OR14A16: variants seen among roughly 807,000 people sequenced by gnomAD.
The protein encoded by OR14A16 is olfactory receptor 14A16.
For synonymous variants in OR14A16, 135 were observed against 137.6 expected (o/e 0.98, Z 0.13); for missense variants, 341 against 366.5 (o/e 0.93, Z 0.57).
In OR14A16 at chr1:247,814,774, T is replaced by A; in HGVS notation, c.*26A>T. ...TGTGTACATTATAAATGGTATCTAT[T>A]ATTGAAAGAAGAAAAGCAACAGCTT... On this transcript the variant is annotated 3_prime_UTR_variant, in exon 3 of 3. Transcript: ENST00000641093. The A allele has an allele frequency of 7.6e-7, 1 of 1,317,354 alleles. No homozygotes were observed. The highest frequency in any genetic ancestry group is 1.0e-6 in the Non-Finnish European group (1 of 957,056). 81.6% of individuals were successfully genotyped at this position (1,317,354 alleles called of 1,614,324 possible). A position where few individuals can be genotyped will look rare whatever the true frequency, so the allele number is the denominator to read the frequency against.
At chr1:247,816,625 G>A (rs1474937910) in intron 2 of OR14A16, among the ~76,000 whole-genome samples, 1 of 152,108 alleles carries the variant, frequency 6.6e-6, no homozygotes, top group African/African-American at 2.4e-5. Context: ...CTACTTGGGA[G>A]GCTGAGGCAG....
chr1:247,822,222 G>A (rs1367296986), intron 1 of OR14A16, among the ~76,000 whole-genome samples: 10 of 149,934 alleles, frequency 6.7e-5, no homozygotes, highest in Admixed American at 3.4e-4. Flanking sequence ...CTGTGAGGGT[G>A]TTTCCAGAGG....
rs1192263155 is a variant in OR14A16, at chr1:247,815,058, CT to C, written c.671del (p.Lys224ArgfsTer34). 2 of 1,613,760 alleles carry C rather than the reference CT, an allele frequency of 1.2e-6. No homozygotes were observed. The highest frequency in any genetic ancestry group is 1.7e-6 in the Non-Finnish European group (2 of 1,179,826). On this transcript the variant is annotated frameshift_variant, in exon 3 of 3. Coordinates refer to ENST00000641093, the MANE Select transcript of OR14A16 (RefSeq NM_001001966.2). LOFTEE classifies it low-confidence loss of function (END_TRUNC). ...ITYVHVFSTV[K>X]KIPSTEGQSK... is the part of the protein sequence containing the mutation. ...ACTGGCCTTCTGTGGAAGGGATCTT[CT>C]TGACTGTAGAGAAGACGTGGACATA...
intron 2 of OR14A16, among the ~76,000 whole-genome samples, chr1:247,817,422 T>C (rs538158808): frequency 6.6e-6 from 1 of 152,362 alleles, no homozygotes; most frequent in South Asian, 2.1e-4. Flanking sequence ...AAAATCATTT[T>C]AATGATGTTC....
At chr1:247,819,420 G>A (rs1043262694) in intron 1 of OR14A16, among the ~76,000 whole-genome samples, 1 of 152,010 alleles carries the variant, frequency 6.6e-6, no homozygotes, top group Non-Finnish European at 1.5e-5. Context: ...ACTAGGAGAT[G>A]TGTTACAGAA....
intron 1 of OR14A16, among the ~76,000 whole-genome samples, chr1:247,822,514 G>C (rs1482028521): frequency 1.3e-5 from 2 of 151,450 alleles, no homozygotes; most frequent in African/African-American, 4.9e-5. Flanking sequence ...TGGACTTAGG[G>C]CTGCACCATC....
chr1:247,819,077 C>G lies in OR14A16; in HGVS notation c.-30G>C, dbSNP rs975809626. On this transcript the variant is annotated 5_prime_UTR_variant, in exon 2 of 3. Coordinates refer to ENST00000641093, the MANE Select transcript of OR14A16 (RefSeq NM_001001966.2). ...AAATGACTTACTCTATACCTCCAAT[C>G]TGGCGCACGAAGATTCCAGATGTCT... The G allele has an allele frequency of 6.6e-5, 10 of 151,706 alleles. No individual in the cohort carries two copies. Among genetic ancestry groups the G allele is most frequent in the African/African-American group, 2.4e-4 (10 of 41,140 alleles). 9.4% of individuals were successfully genotyped at this position (151,706 alleles called of 1,614,324 possible).
Position 247,821,577 on chromosome 1 carries a change from G to T in OR14A16, c.-131+2376C>A, listed in dbSNP as rs367664806. Reference sequence around the variant, plus strand: ...ATCTTATGTAAGTATAGCTACCTCTGCTCTGTTTGATACCCATTTGGATGG... The same window carrying T: ...ATCTTATGTAAGTATAGCTACCTCTTCTCTGTTTGATACCCATTTGGATGG... On this transcript the variant is annotated intron_variant, in intron 1 of 2. Transcript: ENST00000641093. Among the ~76,000 whole-genome samples, 10 of 111,748 alleles carry T rather than the reference G, an allele frequency of 8.9e-5. 1 individual carries two copies. The highest frequency in any genetic ancestry group is 2.2e-4 in the African/African-American group (8 of 35,690). The allele number at this position is 111,748 out of a possible 152,430, so 73.3% of individuals were successfully genotyped here. A position where few individuals can be genotyped will look rare whatever the true frequency, so the allele number is the denominator to read the frequency against.
At chr1:247,821,619 T>G (rs1662742231) in intron 1 of OR14A16, among the ~76,000 whole-genome samples, 1 of 147,088 alleles carries the variant, frequency 6.8e-6, no homozygotes. Flanking sequence ...CTGTCATCCT[T>G]ATACTTTCAA....
Position 247,815,490 on chromosome 1 carries a change from G to T in OR14A16, c.240C>A (p.Ile80=). 1 of 1,613,994 alleles carries T rather than the reference G, an allele frequency of 6.2e-7. No individual in the cohort carries two copies. The highest frequency in any genetic ancestry group is 1.3e-5 in the African/African-American group (1 of 75,028). ...AGTTGTTGTGTATCAAAGAATTGGCGATAGATTTGGGAGCCGTGACTGAAA... is the reference window on the plus strand; with the variant it reads ...AGTTGTTGTGTATCAAAGAATTGGCTATAGATTTGGGAGCCGTGACTGAAA... The part of the protein sequence containing the change: ...CLISVTAPKS[I]ANSLIHNNSI... The change falls in exon 3 of 3, where the codon ATC becomes ATA. Residue 80 remains isoleucine, a synonymous_variant. Transcript: ENST00000641093.
intron 2 of OR14A16, among the ~76,000 whole-genome samples, chr1:247,817,676 A>G (rs987863814): frequency 6.7e-6 from 1 of 149,540 alleles, no homozygotes; most frequent in African/African-American, 2.4e-5. Flanking sequence ...TGGAAAGTAT[A>G]GCATGCCTTT....
At chr1:247,822,767 G>C (rs890435380) in intron 1 of OR14A16, among the ~76,000 whole-genome samples, 2 of 152,100 alleles carry the variant, frequency 1.3e-5, no homozygotes, top group African/African-American at 4.8e-5. Flanking sequence ...ATCTGACTAG[G>C]CTCTCAGTTC....
Position 247,814,906 on chromosome 1 carries a change from T to C in OR14A16, c.824A>G (p.Tyr275Cys), listed in dbSNP as rs1403027937. The C allele has an allele frequency of 6.2e-7, 1 of 1,613,866 alleles. No individual in the cohort carries two copies. The highest frequency in any genetic ancestry group is 1.3e-5 in the African/African-American group (1 of 74,978). ...SILDAVISVFYTMLPPTFNPI... is the reference protein window; with the variant it reads ...SILDAVISVFCTMLPPTFNPI... ...ATTAAAGGTTGGGGGCAGCATAGTG[T>C]AGAACACAGAAATTACAGCATCCAA... The change falls in exon 3 of 3, where the codon TAC becomes TGC. Residue 275 changes from tyrosine to cysteine, a missense_variant. Transcript: ENST00000641093.
In OR14A16 at chr1:247,814,703, T is replaced by A. The variant is rs991208482; in HGVS notation, c.*97A>T. 3.3e-6 allele frequency: 2 copies of A among 610,002 alleles called. No individual in the cohort carries two copies. 37.8% of individuals were successfully genotyped at this position (610,002 alleles called of 1,614,324 possible). The stretch of plus-strand genomic sequence containing the variant: ...AAATAATTGCTTTCATTTGTCTTTT[T>A]AAATTTTTACTTTTAAGAATTAGAG... On this transcript the variant is annotated 3_prime_UTR_variant, in exon 3 of 3. Coordinates refer to ENST00000641093, the MANE Select transcript of OR14A16 (RefSeq NM_001001966.2).
chr1:247,823,050 C>T (rs1662769157), intron 1 of OR14A16, among the ~76,000 whole-genome samples: 1 of 152,272 alleles, frequency 6.6e-6, no homozygotes, highest in African/African-American at 2.4e-5. Flanking sequence ...ATTCCTTATT[C>T]CCACTACCCT....
chr1:247,815,926 C>T (rs1572538965), intron 2 of OR14A16, among the ~76,000 whole-genome samples, 182 bp from the exon 3 acceptor site: 1 of 152,136 alleles, frequency 6.6e-6, no homozygotes, highest in Non-Finnish European at 1.5e-5. Flanking sequence ...CATTGATCAC[C>T]AAGCATTTCC....
intron 1 of OR14A16, among the ~76,000 whole-genome samples, chr1:247,820,473 A>G (rs1294721435): frequency 6.6e-6 from 1 of 151,132 alleles, no homozygotes; most frequent in African/African-American, 2.4e-5. Flanking sequence ...TTTCTTTGTT[A>G]TTTCCTTTCT....
At chr1:247,818,998 AG>A in intron 2 of OR14A16, 64 bp downstream of exon 2, 1 of 152,156 alleles carries the variant, frequency 6.6e-6, no homozygotes, top group Admixed American at 6.5e-5. Context: ...TACCCACAAA[AG>A]TTAAAAATAA....
chr1:247,822,559 A>G (rs1217640731), intron 1 of OR14A16, among the ~76,000 whole-genome samples: 1 of 152,064 alleles, frequency 6.6e-6, no homozygotes, highest in Non-Finnish European at 1.5e-5. Context: ...AAACTGAATC[A>G]TAATACCAGA....
Sources: allele counts gnomAD v4.1 joint callset (sites outside exome capture counted in the v4.1 genomes callset), GRCh38; gene constraint gnomAD v4.1.1; transcripts MANE v1.5; gene names NCBI Gene and HGNC (gene_info 2026-07-23, HGNC 2026-07-21).